Variants in TTC27 observed in about 807,000 individuals in gnomAD.
The protein encoded by TTC27 is tetratricopeptide repeat protein 27.
In TTC27, 79 loss-of-function variants were observed where a neutral mutation model predicts 115.9. The ratio of observed to expected loss-of-function variants is 0.68; its 90% CI spans 0.57 to 0.82. The LOEUF (loss-of-function observed/expected upper bound fraction) is 0.82, where lower values mean the gene tolerates loss of function less well. TTC27 is among the 40% of genes least tolerant of loss of function. The probability of loss-of-function intolerance (pLI) is 0.00; values close to 1 mark genes in which losing one functional copy is unlikely to be tolerated. For missense variants in TTC27, 1,054 were observed against 993.1 expected (o/e 1.06, Z -0.82); for synonymous variants, 401 against 356.0 (o/e 1.13, Z -1.42).
intron 5 of TTC27, among the ~76,000 whole-genome samples, chr2:32,662,616 C>T (rs1246036323): frequency 6.6e-6 from 1 of 151,958 alleles, no homozygotes; most frequent in Non-Finnish European, 1.5e-5. Flanking sequence ...GTGGTGATAT[C>T]CCCTTTATCA....
At chr2:32,773,656 C>T (rs1445979429) in intron 13 of TTC27, among the ~76,000 whole-genome samples, 1 of 152,174 alleles carries the variant, frequency 6.6e-6, no homozygotes, top group Non-Finnish European at 1.5e-5. Flanking sequence ...GACCACCTTG[C>T]AGGGTGGGTG....
At chr2:32,670,302 G>T (rs186130405) in intron 7 of TTC27, among the ~76,000 whole-genome samples, 5 of 152,126 alleles carry the variant, frequency 3.3e-5, no homozygotes, top group Non-Finnish European at 7.3e-5. Flanking sequence ...ATTACACTTT[G>T]TTGAGATTTA....
intron 1 of TTC27, 105 bp downstream of exon 1, chr2:32,628,485 C>A: frequency 8.8e-7 from 1 of 1,132,210 alleles, no homozygotes; most frequent in Non-Finnish European, 1.2e-6. Context: ...CTAACACAGT[C>A]TAGCTGATTC....
chr2:32,789,460 A>G (rs1670456828), intron 16 of TTC27, among the ~76,000 whole-genome samples: 1 of 151,928 alleles, frequency 6.6e-6, no homozygotes. Flanking sequence ...TGATATTTAG[A>G]ATTATCTATT....
In TTC27 at chr2:32,700,612, A is replaced by AC. The variant is rs201964896; in HGVS notation, c.1120-2194dup. On this transcript the variant is annotated intron_variant, in intron 9 of 19. Transcript: ENST00000317907. ...AAGTGCAGTGGTGCAATCTCGGCTC[A>AC]CTGCAACCTCCACCTCCCAGGTTCA... Among the ~76,000 whole-genome samples, 4 of 152,146 alleles carry AC rather than the reference A, an allele frequency of 2.6e-5. No individual in the cohort carries two copies. The East Asian group carries it at 7.7e-4, about 29-fold the overall frequency.
intron 16 of TTC27, among the ~76,000 whole-genome samples, chr2:32,792,042 C>G (rs114456441): frequency 6.6e-6 from 1 of 152,208 alleles, no homozygotes; most frequent in African/African-American, 2.4e-5. Context: ...CTCTTTCCCC[C>G]ATGAGGCAAC....
intron 2 of TTC27, among the ~76,000 whole-genome samples, chr2:32,631,296 C>CT (rs1392829693): frequency 1.3e-5 from 2 of 151,982 alleles, no homozygotes; most frequent in African/African-American, 4.8e-5. Flanking sequence ...GAGCGAGACT[C>CT]TGTCTCAAAA....
At position 32,658,648 on chromosome 2, in the gene TTC27, A is replaced by G. The variant is rs1053394258; in HGVS notation, c.641-5655A>G. Among the ~76,000 whole-genome samples the G allele has an allele frequency of 3.5e-4, 54 of 152,220 alleles. 1 individual carries two copies. The highest frequency in any genetic ancestry group is 1.3e-3 in the African/African-American group (52 of 41,462). On this transcript the variant is annotated intron_variant, in intron 5 of 19. Coordinates refer to ENST00000317907, the MANE Select transcript of TTC27 (RefSeq NM_017735.5). ...TGTTTTGTGAAATGCTGGCTAACACATATTGGAAACATTTGTGAGAGATAG... is the reference window on the plus strand; with the variant it reads ...TGTTTTGTGAAATGCTGGCTAACACGTATTGGAAACATTTGTGAGAGATAG...
Position 32,723,502 on chromosome 2 carries a change from C to T in TTC27, c.1234-10326C>T, listed in dbSNP as rs143433462. ...AGGTACACATAGAACAGAGGCCAAA[C>T]GGGTATACACCAAGCTCTGGGGTAC... On this transcript the variant is annotated intron_variant, in intron 10 of 19. Transcript: ENST00000317907. Among the ~76,000 whole-genome samples, 1,435 of 152,118 alleles carry T rather than the reference C, an allele frequency of 9.4e-3. 12 individuals carry two copies. The highest frequency in any genetic ancestry group is 0.024 in the Middle Eastern group (7 of 294).
At chr2:32,702,284 A>G (rs2151900810) in intron 9 of TTC27, among the ~76,000 whole-genome samples, 1 of 152,062 alleles carries the variant, frequency 6.6e-6, no homozygotes, top group African/African-American at 2.4e-5. Flanking sequence ...ATTGTTGTAA[A>G]TGATCACCGA....
intron 9 of TTC27, among the ~76,000 whole-genome samples, chr2:32,686,831 A>G (rs1466302856): frequency 1.3e-5 from 2 of 151,874 alleles, no homozygotes; most frequent in Non-Finnish European, 2.9e-5. Flanking sequence ...ACATTGGGTG[A>G]TTTTATTTTT....
At chr2:32,777,695 T>G (rs577283451) in intron 13 of TTC27, among the ~76,000 whole-genome samples, 187 bp from the exon 14 acceptor site, 17 of 152,292 alleles carry the variant, frequency 1.1e-4, no homozygotes, top group Admixed American at 6.5e-4. Flanking sequence ...ACATTGAAAA[T>G]TATATGGAAA....
intron 9 of TTC27, among the ~76,000 whole-genome samples, chr2:32,679,732 C>G (rs1666350272): frequency 6.6e-6 from 1 of 152,152 alleles, no homozygotes; most frequent in Non-Finnish European, 1.5e-5. Context: ...GTGGCTCATG[C>G]CTGTAATCCC....
chr2:32,779,094 C>T (rs1187704304), intron 14 of TTC27, among the ~76,000 whole-genome samples: 1 of 152,106 alleles, frequency 6.6e-6, no homozygotes, highest in Non-Finnish European at 1.5e-5. Flanking sequence ...CGTGATGACG[C>T]ATGCCGTGGT....
chr2:32,666,743 C>T lies in TTC27; in HGVS notation c.914C>T (p.Pro305Leu). The T allele has an allele frequency of 6.2e-7, 1 of 1,613,088 alleles. No homozygotes were observed. The change falls in exon 7 of 20, where the codon CCC becomes CTC. Residue 305 changes from proline to leucine, a missense_variant. Physicochemically the swap from Pro to Leu is moderately conservative, Grantham distance 98. Coordinates refer to ENST00000317907, the MANE Select transcript of TTC27 (RefSeq NM_017735.5). Reference sequence around the variant, plus strand: ...TCAAATTGTGAATTCACTCCAGCACCCACTCCTCAGGAACATTTAACCAAG... The same window carrying T: ...TCAAATTGTGAATTCACTCCAGCACTCACTCCTCAGGAACATTTAACCAAG... ...VLSNCEFTPAPTPQEHLTKNL... is the reference protein window; with the variant it reads ...VLSNCEFTPALTPQEHLTKNL...
intron 19 of TTC27, 76 bp from the exon 20 acceptor site, chr2:32,820,740 T>G: frequency 7.3e-7 from 1 of 1,362,190 alleles, no homozygotes; most frequent in Non-Finnish European, 9.7e-7. Flanking sequence ...GTTTTTTAAC[T>G]CTATACTCTG....
chr2:32,749,507 G>A (rs552818852), intron 12 of TTC27, among the ~76,000 whole-genome samples: 1 of 152,278 alleles, frequency 6.6e-6, no homozygotes, highest in African/African-American at 2.4e-5. Flanking sequence ...CATTTCTCTT[G>A]AATAAATGCT....
At chr2:32,762,164 T>C (rs117102374) in intron 13 of TTC27, among the ~76,000 whole-genome samples, 14 of 152,178 alleles carry the variant, frequency 9.2e-5, no homozygotes, top group African/African-American at 3.1e-4. Flanking sequence ...AGAGAGGATG[T>C]TGGAGTCGGC....
intron 10 of TTC27, among the ~76,000 whole-genome samples, chr2:32,720,334 T>G (rs1302237432): frequency 1.3e-5 from 2 of 152,240 alleles, no homozygotes. Context: ...AATGGATGTT[T>G]GCTAAATGAT....
Sources: allele counts gnomAD v4.1 joint callset (sites outside exome capture counted in the v4.1 genomes callset), GRCh38; gene constraint gnomAD v4.1.1; transcripts MANE v1.5; gene names NCBI Gene and HGNC (gene_info 2026-07-23, HGNC 2026-07-21).